PGBD5: variants seen among roughly 807,000 people sequenced by gnomAD.
PGBD5 encodes the protein piggyBac transposable element-derived protein 5.
In PGBD5, 14 loss-of-function variants were observed where a neutral mutation model predicts 47.9. The observed-to-expected ratio is 0.29, with a 90% CI of 0.19 to 0.46. PGBD5 has a LOEUF of 0.46. Ranked by LOEUF, PGBD5 falls within the 20% of genes least tolerant of loss-of-function variation. The probability of loss-of-function intolerance (pLI) is 1.00; values close to 1 mark genes in which losing one functional copy is unlikely to be tolerated. For missense variants in PGBD5, 635 were observed against 716.0 expected (o/e 0.89, Z 1.29); for synonymous variants, 316 against 306.3 (o/e 1.03, Z -0.33).
chr1:230,373,486 G>C (rs147832352), intron 1 of PGBD5, among the ~76,000 whole-genome samples: 1 of 152,176 alleles, frequency 6.6e-6, no homozygotes, highest in Non-Finnish European at 1.5e-5. Flanking sequence ...CATGCTCAGT[G>C]GGGGAGGGCA....
intron 1 of PGBD5, among the ~76,000 whole-genome samples, chr1:230,392,067 T>C (rs1358767000): frequency 6.6e-6 from 1 of 152,232 alleles, no homozygotes; most frequent in Admixed American, 6.5e-5. Flanking sequence ...ACTGTGAAGC[T>C]TCACTACCAG....
At chr1:230,407,805 C>T (rs953696041) in intron 1 of PGBD5, among the ~76,000 whole-genome samples, 1 of 152,168 alleles carries the variant, frequency 6.6e-6, no homozygotes, top group African/African-American at 2.4e-5. Context: ...CAACTGCATG[C>T]AGAAATATCA....
intron 5 of PGBD5, among the ~76,000 whole-genome samples, chr1:230,331,658 C>CT (rs889572663): frequency 6.7e-5 from 10 of 148,848 alleles, no homozygotes; most frequent in Admixed American, 3.4e-4. Context: ...CCTCCTCCTC[C>CT]TTTTTTTTTT....
rs143024376 is a variant in PGBD5, at chr1:230,346,436, G to A, written c.894+4522C>T. On this transcript the variant is annotated intron_variant, in intron 3 of 6. Transcript: ENST00000391860. Reference sequence around the variant, plus strand: ...TGCATGCTGTCTTAAGTGCACCATCGTATCTAGCAGTGGGTAACTAGCAGT... The same window carrying A: ...TGCATGCTGTCTTAAGTGCACCATCATATCTAGCAGTGGGTAACTAGCAGT... 3.4e-3 allele frequency among the ~76,000 whole-genome samples: 520 copies of A among 152,236 alleles called. 2 individuals are homozygous for A. Among genetic ancestry groups the A allele is most frequent in the Non-Finnish European group, 5.9e-3 (399 of 68,020 alleles).
chr1:230,352,794 C>T (rs1248921722), intron 2 of PGBD5, among the ~76,000 whole-genome samples: 1 of 152,098 alleles, frequency 6.6e-6, no homozygotes, highest in African/African-American at 2.4e-5. Flanking sequence ...GAACAAGTCC[C>T]CCACACAGTG....
At chr1:230,347,646 A>G (rs1300594695) in intron 3 of PGBD5, among the ~76,000 whole-genome samples, 1 of 151,252 alleles carries the variant, frequency 6.6e-6, no homozygotes, top group Non-Finnish European at 1.5e-5. Flanking sequence ...TGCCTGGCTA[A>G]TTTTTTTTGT....
At chr1:230,401,452 G>T (rs1230535924) in intron 1 of PGBD5, among the ~76,000 whole-genome samples, 2 of 152,212 alleles carry the variant, frequency 1.3e-5, no homozygotes, top group African/African-American at 4.8e-5. Flanking sequence ...GTTGCTTGGG[G>T]CCAGGGAGAA....
In PGBD5 at chr1:230,320,346, C is replaced by G. The variant is rs1667016400; in HGVS notation, c.*3079G>C. ...GGAAGGTCTCATAAACTCCGTGAAG[C>G]TCAGTGCAGGTTCAATTCCCTGTGA... On this transcript the variant is annotated 3_prime_UTR_variant, in exon 7 of 7. Coordinates refer to ENST00000391860, the MANE Select transcript of PGBD5 (RefSeq NM_001258311.2). 6.6e-6 allele frequency: 1 copy of G among 152,224 alleles called. No individual in the cohort carries two copies. 9.4% of individuals were successfully genotyped at this position (152,224 alleles called of 1,614,324 possible).
chr1:230,348,595 G>A (rs948268029), intron 3 of PGBD5, among the ~76,000 whole-genome samples: 2 of 152,208 alleles, frequency 1.3e-5, no homozygotes, highest in Non-Finnish European at 2.9e-5. Flanking sequence ...GCTTGCCCAG[G>A]CTGCTGACCT....
intron 1 of PGBD5, among the ~76,000 whole-genome samples, chr1:230,404,550 C>T (rs1657222095): frequency 6.8e-6 from 1 of 146,962 alleles, no homozygotes; most frequent in Admixed American, 6.9e-5. Flanking sequence ...GCTGAGGCTG[C>T]AGTGGGCTGC....
At chr1:230,406,788 CTATA>C (rs1358651883) in intron 1 of PGBD5, among the ~76,000 whole-genome samples, 1 of 152,180 alleles carries the variant, frequency 6.6e-6, no homozygotes, top group Non-Finnish European at 1.5e-5. Context: ...AAAAACTCAA[CTATA>C]CCACGTTAAA....
chr1:230,348,970 A>G (rs1289590557), intron 3 of PGBD5, among the ~76,000 whole-genome samples: 3 of 152,248 alleles, frequency 2.0e-5, no homozygotes, highest in Non-Finnish European at 4.4e-5. Flanking sequence ...CTGGCTTCTA[A>G]AAACAAACTT....
At chr1:230,405,117 C>T (rs761715064) in intron 1 of PGBD5, among the ~76,000 whole-genome samples, 14 of 151,228 alleles carry the variant, frequency 9.3e-5, no homozygotes, top group Non-Finnish European at 1.6e-4. Context: ...ATGGCGTGAA[C>T]CTGGGAGGCG....
intron 3 of PGBD5, among the ~76,000 whole-genome samples, chr1:230,343,143 G>A (rs941371175): frequency 6.6e-6 from 1 of 152,144 alleles, no homozygotes; most frequent in Non-Finnish European, 1.5e-5. Context: ...TGCCCAGGAA[G>A]AGCTCATGTG....
intron 1 of PGBD5, among the ~76,000 whole-genome samples, chr1:230,402,048 G>T (rs559178251): frequency 6.6e-6 from 1 of 152,206 alleles, no homozygotes; most frequent in East Asian, 1.9e-4. Flanking sequence ...GTGACAGGGA[G>T]GGGGAGAGAA....
intron 3 of PGBD5, among the ~76,000 whole-genome samples, chr1:230,339,372 G>A (rs553630021): frequency 1.3e-5 from 2 of 152,284 alleles, no homozygotes; most frequent in South Asian, 2.1e-4. Flanking sequence ...GTATAAATAC[G>A]CATAAACTTT....
chr1:230,399,058 A>AC lies in PGBD5; in HGVS notation c.331+26539_331+26540insG, dbSNP rs1553289703. Among the ~76,000 whole-genome samples, 324 of 151,538 alleles carry AC rather than the reference A, an allele frequency of 2.1e-3. 1 individual carries two copies. Among genetic ancestry groups the AC allele is most frequent in the African/African-American group, 7.1e-3 (293 of 41,290 alleles). ...TCTTGGCAACCCTCACAGGTTACTA[A>AC]GGGGGGGTGGCTAAGTGTCAGGTGC... On this transcript the variant is annotated intron_variant, in intron 1 of 6. Transcript: ENST00000391860.
At chr1:230,370,891 G>C (rs1439501703) in intron 1 of PGBD5, among the ~76,000 whole-genome samples, 1 of 152,216 alleles carries the variant, frequency 6.6e-6, no homozygotes, top group African/African-American at 2.4e-5. Context: ...CCATGTATTA[G>C]ATAGAATGAA....
rs141769210 is a variant in PGBD5, at chr1:230,357,969, T to A, written c.332-648A>T. ...ATACACATGCATATATACACATACA[T>A]ACACACACATACATACATACATACA... On this transcript the variant is annotated intron_variant, in intron 1 of 6. Transcript: ENST00000391860. This position sits in a 1 kb window ranked among gnomAD's most constrained non-coding sequence, Gnocchi z 5.7. 6.6e-6 allele frequency among the ~76,000 whole-genome samples: 1 copy of A among 151,762 alleles called. No homozygotes were observed. The highest frequency in any genetic ancestry group is 1.5e-5 in the Non-Finnish European group (1 of 67,970).
Sources: gnomAD v4.1 joint callset for allele counts (sites outside exome capture counted in the v4.1 genomes callset) on GRCh38, gnomAD v4.1.1 for gene constraint, Gnocchi (gnomAD v3.1) non-coding constraint, MANE v1.5 for transcripts, NCBI Gene and HGNC (gene_info 2026-07-23, HGNC 2026-07-21) for gene names.